Variants in NBAS observed in about 807,000 individuals in gnomAD.
The protein encoded by NBAS is NBAS subunit of NRZ tethering complex.
A neutral mutation model predicts 302.5 loss-of-function variants in NBAS; 219 were observed. That is an observed-to-expected ratio of 0.72 (90% CI 0.65 to 0.81). The LOEUF (loss-of-function observed/expected upper bound fraction) is 0.81, where lower values mean the gene tolerates loss of function less well. NBAS is among the 30% of genes least tolerant of loss of function. NBAS has a pLI of 0.00. For missense variants in NBAS, 2,932 were observed against 2,841.6 expected (o/e 1.03, Z -0.72); for synonymous variants, 1,118 against 1,021.6 (o/e 1.09, Z -1.80).
At chr2:15,015,351 C>A in the NBAS span, among the ~76,000 whole-genome samples, 2 of 151,928 alleles carry the variant, frequency 1.3e-5, no homozygotes, top group East Asian at 1.9e-4. Context: ...AAAACTATAG[C>A]CCTATATGCC....
At chr2:15,402,006 T>C (rs1309051474) in intron 26 of NBAS, among the ~76,000 whole-genome samples, 162 bp downstream of exon 26, 1 of 152,158 alleles carries the variant, frequency 6.6e-6, no homozygotes, top group Non-Finnish European at 1.5e-5. Flanking sequence ...GGACAAGAAA[T>C]GTTTATCCTA....
intron 9 of NBAS, among the ~76,000 whole-genome samples, chr2:15,513,929 G>C (rs1298767469): frequency 6.6e-6 from 1 of 152,118 alleles, no homozygotes; most frequent in Non-Finnish European, 1.5e-5. Context: ...TGAGGTTGCA[G>C]TGAGCCATAA....
chr2:15,519,967 CA>C (rs1662583739), intron 9 of NBAS, among the ~76,000 whole-genome samples: 1 of 152,052 alleles, frequency 6.6e-6, no homozygotes, highest in Admixed American at 6.6e-5. Context: ...TTATTAAAGA[CA>C]AAACATGGGA....
the NBAS span, among the ~76,000 whole-genome samples, chr2:14,962,123 G>C: frequency 7.9e-5 from 12 of 152,140 alleles, no homozygotes; most frequent in Non-Finnish European, 1.6e-4. Flanking sequence ...AAATGTATTA[G>C]AATTATGGGT....
At chr2:14,783,348 T>A in the NBAS span, among the ~76,000 whole-genome samples, 2 of 151,852 alleles carry the variant, frequency 1.3e-5, no homozygotes, top group East Asian at 3.9e-4. Context: ...ACTTTAAGTT[T>A]TAGGGTACAT....
chr2:15,394,950 A>G (rs2148412127), intron 27 of NBAS, among the ~76,000 whole-genome samples: 1 of 152,234 alleles, frequency 6.6e-6, no homozygotes, highest in East Asian at 1.9e-4. Flanking sequence ...TGACTACTAC[A>G]GGACTGAATA....
intron 50 of NBAS, among the ~76,000 whole-genome samples, chr2:15,180,529 C>T (rs1214019435): frequency 6.6e-6 from 1 of 152,240 alleles, no homozygotes; most frequent in Admixed American, 6.5e-5. Flanking sequence ...GAAACAAGCT[C>T]CTGAGCATGG....
At chr2:14,821,512 C>T in the NBAS span, among the ~76,000 whole-genome samples, 1 of 152,084 alleles carries the variant, frequency 6.6e-6, no homozygotes. Context: ...TCCTTCCAGC[C>T]CTGAATTTAT....
At chr2:15,516,722 C>CAAAAA (rs67488599) in intron 9 of NBAS, among the ~76,000 whole-genome samples, 1 of 136,074 alleles carries the variant, frequency 7.3e-6, no homozygotes, top group Non-Finnish European at 1.6e-5. Context: ...GACTCCATTT[C>CAAAAA]AAAAAAAAAA....
At chr2:14,796,760 G>C in the NBAS span, among the ~76,000 whole-genome samples, 1 of 151,616 alleles carries the variant, frequency 6.6e-6, no homozygotes, top group Non-Finnish European at 1.5e-5. Flanking sequence ...TGCTCTTTCC[G>C]GATTGATTCT....
the NBAS span, among the ~76,000 whole-genome samples, chr2:15,117,628 T>C: frequency 2.0e-5 from 3 of 152,240 alleles, no homozygotes; most frequent in Non-Finnish European, 4.4e-5. Flanking sequence ...TTTGGTGGCA[T>C]GCAGATGAGC....
intron 30 of NBAS, among the ~76,000 whole-genome samples, chr2:15,378,272 T>C (rs762966086): frequency 1.3e-5 from 2 of 151,916 alleles, no homozygotes; most frequent in Admixed American, 1.3e-4. Context: ...TAGAGCAGGG[T>C]CTAGAAAGGG....
At chr2:15,410,698 C>G (rs1676641069) in intron 25 of NBAS, among the ~76,000 whole-genome samples, 1 of 152,208 alleles carries the variant, frequency 6.6e-6, no homozygotes, top group African/African-American at 2.4e-5. Flanking sequence ...AATTAAAACA[C>G]CTACTGTATA....
intron 32 of NBAS, among the ~76,000 whole-genome samples, chr2:15,363,506 A>T (rs1674042609): frequency 1.3e-5 from 2 of 152,220 alleles, no homozygotes; most frequent in Admixed American, 6.5e-5. Context: ...GATTATTATT[A>T]TATAGTGTCA....
At chr2:15,404,666 T>C (rs1256708344) in intron 25 of NBAS, among the ~76,000 whole-genome samples, 1 of 151,808 alleles carries the variant, frequency 6.6e-6, no homozygotes, top group African/African-American at 2.4e-5. Flanking sequence ...GTGCCCACAA[T>C]CACATCTGGC....
chr2:15,006,053 T>A, the NBAS span, among the ~76,000 whole-genome samples: 1 of 152,178 alleles, frequency 6.6e-6, no homozygotes, highest in African/African-American at 2.4e-5. Context: ...AAGAAACATA[T>A]GTGGTAATGA....
At chr2:15,039,128 G>T in the NBAS span, among the ~76,000 whole-genome samples, 10 of 152,166 alleles carry the variant, frequency 6.6e-5, no homozygotes, top group African/African-American at 2.4e-4. Context: ...TTGGGCAAGT[G>T]GCTTATCTGC....
the NBAS span, among the ~76,000 whole-genome samples, chr2:15,064,097 T>C: frequency 6.6e-6 from 1 of 152,198 alleles, no homozygotes; most frequent in African/African-American, 2.4e-5. Context: ...ATTGATTATC[T>C]GTCTTCGTTG....
intron 39 of NBAS, 72 bp downstream of exon 39, chr2:15,309,099 A>G (rs1193898897): frequency 8.2e-7 from 1 of 1,213,732 alleles, no homozygotes; most frequent in Non-Finnish European, 1.2e-6. Flanking sequence ...AAACAATTTT[A>G]CCGATGAAAA....
Sources: gnomAD v4.1 joint callset for allele counts (sites outside exome capture counted in the v4.1 genomes callset) on GRCh38, gnomAD v4.1.1 for gene constraint, MANE v1.5 for transcripts, NCBI Gene and HGNC (gene_info 2026-07-23, HGNC 2026-07-21) for gene names.